Variants in C12orf42 observed in about 807,000 individuals in gnomAD.
The protein encoded by C12orf42 is uncharacterized protein C12orf42.
In C12orf42, 25 loss-of-function variants were observed where a neutral mutation model predicts 21.6. The observed-to-expected ratio is 1.16, with a 90% CI of 0.84 to 1.62. The LOEUF is 1.62. C12orf42 is among the 40% of genes most tolerant of loss of function. C12orf42 has a pLI of 0.00. For missense variants in C12orf42, 483 were observed against 459.3 expected (o/e 1.05, Z -0.47); for synonymous variants, 174 against 175.0 (o/e 0.99, Z 0.05).
At chr12:103,513,665 A>T in the C12orf42 span, among the ~76,000 whole-genome samples, 1 of 152,222 alleles carries the variant, frequency 6.6e-6, no homozygotes, top group Non-Finnish European at 1.5e-5. Context: ...GGGGAAAAAA[A>T]GTTAAGACTG....
At chr12:103,506,845 AT>A in the C12orf42 span, among the ~76,000 whole-genome samples, 91 of 74,636 alleles carry the variant, frequency 1.2e-3, 10 homozygotes, top group South Asian at 0.051. Context: ...TTATATATAT[AT>A]ATATTTATAT....
At chr12:103,064,715 C>T in the C12orf42 span, among the ~76,000 whole-genome samples, 1 of 152,196 alleles carries the variant, frequency 6.6e-6, no homozygotes, top group South Asian at 2.1e-4. Flanking sequence ...CCAAGGAGAC[C>T]TTTGGCCTTT....
intron 1 of C12orf42, among the ~76,000 whole-genome samples, chr12:103,483,280 T>A (rs143644496): frequency 6.6e-6 from 1 of 152,282 alleles, no homozygotes; most frequent in East Asian, 1.9e-4. Flanking sequence ...GGGTTGTTGA[T>A]AATGGGGAAC....
chr12:103,422,852 CA>C (rs2050029439), intron 2 of C12orf42, among the ~76,000 whole-genome samples: 1 of 149,266 alleles, frequency 6.7e-6, no homozygotes, highest in Non-Finnish European at 1.5e-5. Context: ...AAAAAAGACA[CA>C]ACACCCTTCA....
chr12:103,125,122 A>G, the C12orf42 span, among the ~76,000 whole-genome samples: 1 of 152,078 alleles, frequency 6.6e-6, no homozygotes, highest in Non-Finnish European at 1.5e-5. Context: ...GGTGATTTGG[A>G]CTCCACCATT....
chr12:103,241,762 C>T (rs2058470686), intron 10 of C12orf42, among the ~76,000 whole-genome samples: 1 of 152,116 alleles, frequency 6.6e-6, no homozygotes, highest in Non-Finnish European at 1.5e-5. Flanking sequence ...GAGACAGAGG[C>T]ACAGACAACA....
the C12orf42 span, among the ~76,000 whole-genome samples, chr12:103,210,489 G>A: frequency 6.6e-6 from 1 of 152,022 alleles, no homozygotes; most frequent in Non-Finnish European, 1.5e-5. Flanking sequence ...TTTTCACTCT[G>A]TGGGGCCATC....
At chr12:103,289,672 C>A (rs756787708) in intron 4 of C12orf42, among the ~76,000 whole-genome samples, 2 of 151,892 alleles carry the variant, frequency 1.3e-5, no homozygotes, top group African/African-American at 4.8e-5. Context: ...TGTAGATCAC[C>A]GTTTGTTGAT....
chr12:103,236,544 A>G (rs1227913767), downstream of C12orf42, among the ~76,000 whole-genome samples: 1 of 152,184 alleles, frequency 6.6e-6, no homozygotes, highest in Non-Finnish European at 1.5e-5. Context: ...TATTCTCCCA[A>G]TTAAAACAGC....
intron 10 of C12orf42, among the ~76,000 whole-genome samples, chr12:103,260,917 T>C (rs1052047085): frequency 6.6e-6 from 1 of 152,200 alleles, no homozygotes; most frequent in Non-Finnish European, 1.5e-5. Flanking sequence ...TGAGTAGTCA[T>C]GTTACCAAAA....
Position 103,342,915 on chromosome 12 carries a change from C to T in C12orf42, c.259+25972G>A, listed in dbSNP as rs202135004. Among the ~76,000 whole-genome samples, 4 of 152,178 alleles carry T rather than the reference C, an allele frequency of 2.6e-5. No individual in the cohort carries two copies. The East Asian group carries it at 7.7e-4, about 29-fold the overall frequency. ...AAGGGTGCTATTTCAGAACCCTTTA[C>T]CTCCTCACCCTGTGTACAGCTTATA... is the stretch of plus-strand genomic sequence containing the variant. On this transcript the variant is annotated intron_variant, in intron 4 of 5. Transcript: ENST00000548883.
chr12:103,177,830 ATTTG>A, the C12orf42 span, among the ~76,000 whole-genome samples: 3 of 150,484 alleles, frequency 2.0e-5, no homozygotes, highest in South Asian at 2.1e-4. Context: ...ATCCCTTTTA[ATTTG>A]TTTAATGGCC....
chr12:103,130,421 G>C, the C12orf42 span, among the ~76,000 whole-genome samples: 1 of 151,328 alleles, frequency 6.6e-6, no homozygotes, highest in African/African-American at 2.4e-5. Flanking sequence ...TTGCATTGTG[G>C]TTTTCAAAAA....
chr12:103,320,318 T>A (rs2039966500), intron 4 of C12orf42, among the ~76,000 whole-genome samples: 1 of 152,162 alleles, frequency 6.6e-6, no homozygotes, highest in South Asian at 2.1e-4. Flanking sequence ...TTACACCAAA[T>A]GGTATCTCCT....
intron 2 of C12orf42, among the ~76,000 whole-genome samples, chr12:103,426,129 T>G (rs1341622982): frequency 2.0e-5 from 3 of 152,138 alleles, no homozygotes; most frequent in Non-Finnish European, 2.9e-5. Flanking sequence ...TTGACAGAAG[T>G]AGGCTTCAGA....
At chr12:103,061,357 T>C in the C12orf42 span, among the ~76,000 whole-genome samples, 2 of 152,334 alleles carry the variant, frequency 1.3e-5, no homozygotes, top group Admixed American at 6.5e-5. Flanking sequence ...ATTCTGTTGA[T>C]GGATATAATG....
intron 4 of C12orf42, among the ~76,000 whole-genome samples, chr12:103,361,418 A>C (rs1593610764): frequency 2.6e-5 from 4 of 152,192 alleles, no homozygotes. Context: ...CTTGCCTCAC[A>C]GGGTTCCTTG....
intron 1 of C12orf42, among the ~76,000 whole-genome samples, chr12:103,488,297 G>A (rs1470546372): frequency 6.6e-6 from 1 of 152,312 alleles, no homozygotes; most frequent in East Asian, 1.9e-4. Flanking sequence ...CTTCTGGCTT[G>A]TAGGGTTTCT....
downstream of C12orf42, among the ~76,000 whole-genome samples, chr12:103,266,567 G>A (rs546976918): frequency 6.6e-6 from 1 of 152,184 alleles, no homozygotes; most frequent in South Asian, 2.1e-4. Flanking sequence ...CAACTTGGTC[G>A]AGGTAGGCAT....
Sources: allele counts gnomAD v4.1 joint callset (sites outside exome capture counted in the v4.1 genomes callset), GRCh38; gene constraint gnomAD v4.1.1; transcripts MANE v1.5; gene names NCBI Gene and HGNC (gene_info 2026-07-23, HGNC 2026-07-21).